INPP5F: variants seen among roughly 807,000 people sequenced by gnomAD.
INPP5F encodes the protein phosphatidylinositide 4-phosphatase SAC2.
Under a neutral mutation model 137.2 loss-of-function variants are expected in INPP5F, and 97 were observed. The observed-to-expected ratio is 0.71, with a 90% confidence interval of 0.60 to 0.84. The LOEUF is 0.84. Ranked by LOEUF, INPP5F falls within the 40% of genes least tolerant of loss-of-function variation. The probability of loss-of-function intolerance (pLI) is 0.00; values close to 1 mark genes in which losing one functional copy is unlikely to be tolerated. For synonymous variants in INPP5F, 504 were observed against 476.9 expected (o/e 1.06, Z -0.74); for missense variants, 1,271 against 1,371.9 (o/e 0.93, Z 1.16).
At chr10:119,751,236 A>G (rs1848682425) in intron 2 of INPP5F, 80 bp downstream of exon 2, 2 of 866,546 alleles carry the variant, frequency 2.3e-6, no homozygotes, top group South Asian at 1.3e-5. Flanking sequence ...GATACATGAG[A>G]TTCTCTTATA....
Position 119,821,698 on chromosome 10 carries a change from C to T in INPP5F, c.1959-733C>T, listed in dbSNP as rs537774919. Among the ~76,000 whole-genome samples, 55 of 150,680 alleles carry T rather than the reference C, an allele frequency of 3.7e-4. No individual in the cohort carries two copies. The South Asian group carries it at 0.011, about 29-fold the overall frequency. ...GTTTGTTTCTCTTTCTGTCTTTCTC[C>T]CTCCTCTCTCTCTCTCCCTCCCTTC... On this transcript the variant is annotated intron_variant, in intron 16 of 19. Transcript: ENST00000650623.
intron 15 of INPP5F, among the ~76,000 whole-genome samples, chr10:119,813,597 C>T (rs1231419027): frequency 6.6e-6 from 1 of 152,038 alleles, no homozygotes; most frequent in Non-Finnish European, 1.5e-5. Flanking sequence ...TGAACACCAG[C>T]CTGGGTGACA....
At chr10:119,726,607 C>G (rs1262930994) in intron 1 of INPP5F, among the ~76,000 whole-genome samples, 1 of 152,210 alleles carries the variant, frequency 6.6e-6, no homozygotes. Flanking sequence ...CTTCCCACCG[C>G]GTCACGCGGC....
chr10:119,808,687 T>G (rs866586870), intron 13 of INPP5F, among the ~76,000 whole-genome samples: 1 of 152,242 alleles, frequency 6.6e-6, no homozygotes. Context: ...TTAAGTTAAA[T>G]ATAAAATATA....
intron 19 of INPP5F, chr10:119,826,086 C>T (rs3847492): frequency 0.19 from 74,080 of 397,402 alleles, 7,540 homozygotes; most frequent in Non-Finnish European, 0.21. Flanking sequence ...TGAATTTGAG[C>T]CACACTGGGA....
chr10:119,807,984 A>G lies in INPP5F; in HGVS notation c.1493A>G (p.Asn498Ser). ...PPEQPLPVKC[N>S]RIYQIMWANN... is the part of the protein sequence containing the mutation. ...GAACAGCCATTACCTGTGAAATGTA[A>G]TCGCATCTACCAGATAATGTGGGCC... Residue 498 changes from asparagine to serine, a missense_variant, in exon 13 of 20, where the codon AAT becomes AGT. Physicochemically the swap from Asn to Ser is conservative, Grantham distance 46 (BLOSUM62 1). Transcript: ENST00000650623. 2.5e-6 allele frequency: 4 copies of G among 1,614,030 alleles called. No homozygotes were observed. The highest frequency in any genetic ancestry group is 3.4e-6 in the Non-Finnish European group (4 of 1,179,994).
chr10:119,747,040 C>T (rs1014879303), intron 1 of INPP5F, among the ~76,000 whole-genome samples: 1 of 152,006 alleles, frequency 6.6e-6, no homozygotes, highest in African/African-American at 2.4e-5. Flanking sequence ...CCTCCTGCCT[C>T]GGCCTTCCGA....
At position 119,826,861 on chromosome 10, in the gene INPP5F, C is replaced by T; in HGVS notation, c.2480C>T (p.Ser827Leu). ...KPNLKVNLWK[S>L]DSSLETMENT... ...AACTTAAAAGTAAATCTTTGGAAATCAGATAGTAGTCTTGAAACTATGGAA... is the reference window on the plus strand; with the variant it reads ...AACTTAAAAGTAAATCTTTGGAAATTAGATAGTAGTCTTGAAACTATGGAA... Residue 827 changes from serine to leucine, a missense_variant, in exon 20 of 20, where the codon TCA becomes TTA. By Grantham distance (145) the Ser-to-Leu change is moderately radical. This residue lies in a region of INPP5F where 490 missense variants were observed against 443.7 expected (regional missense o/e 1.10). Coordinates refer to ENST00000650623, the MANE Select transcript of INPP5F (RefSeq NM_014937.4). 1 of 1,613,852 alleles carries T rather than the reference C, an allele frequency of 6.2e-7. No individual in the cohort carries two copies.
In INPP5F at chr10:119,781,873, G is replaced by A. The variant is rs1849721573; in HGVS notation, c.315+102G>A. 4.3e-6 allele frequency: 4 copies of A among 922,056 alleles called. No individual in the cohort carries two copies. The Admixed American group carries it at 8.4e-5, about 19-fold the overall frequency. 57.1% of individuals were successfully genotyped at this position (922,056 alleles called of 1,614,324 possible). ...CCAGAAACTTACATTTTTAGAGCTG[G>A]GTAATGTTTTTAAAATAATTTAATC... On this transcript the variant is annotated intron_variant, in intron 3 of 19. Coordinates refer to ENST00000650623, the MANE Select transcript of INPP5F (RefSeq NM_014937.4).
intron 1 of INPP5F, among the ~76,000 whole-genome samples, chr10:119,741,934 C>T (rs187198962): frequency 1.3e-5 from 2 of 151,750 alleles, no homozygotes; most frequent in Admixed American, 1.3e-4. Context: ...GATTCTCCCA[C>T]CTGGTGCTCC....
At chr10:119,753,480 T>A (rs1848744959) in intron 2 of INPP5F, among the ~76,000 whole-genome samples, 1 of 152,208 alleles carries the variant, frequency 6.6e-6, no homozygotes, top group African/African-American at 2.4e-5. Context: ...TTGTGTTGGC[T>A]GGGGTCATTC....
rs79903288 is a variant in INPP5F, at chr10:119,806,111, G to A, written c.1320-249G>A. ...ATGTCAGCTCTGCCTAGTAGTTATA[G>A]GACTTGGCAAGTCTCTCTGCACCCC... On this transcript the variant is annotated intron_variant, in intron 11 of 19. Transcript: ENST00000650623. 3.8e-3 allele frequency among the ~76,000 whole-genome samples: 575 copies of A among 151,916 alleles called. 9 individuals carry two copies. The highest frequency in any genetic ancestry group is 7.5e-3 in the East Asian group (39 of 5,184).
intron 6 of INPP5F, among the ~76,000 whole-genome samples, chr10:119,796,394 CAA>C (rs2134221468): frequency 6.6e-6 from 1 of 152,280 alleles, no homozygotes; most frequent in East Asian, 1.9e-4. Context: ...TTAATTTTCA[CAA>C]TTCATGAAGT....
intron 2 of INPP5F, among the ~76,000 whole-genome samples, chr10:119,753,828 A>G (rs546388299): frequency 2.6e-5 from 4 of 152,294 alleles, no homozygotes; most frequent in Non-Finnish European, 4.4e-5. Context: ...ATACAAACCT[A>G]TCAGCTTAGG....
In INPP5F at chr10:119,822,508, A is replaced by C; in HGVS notation, c.2032+4A>C. 1 of 1,393,184 alleles carries C rather than the reference A, an allele frequency of 7.2e-7. No individual in the cohort carries two copies. The highest frequency in any genetic ancestry group is 1.3e-5 in the South Asian group (1 of 78,174). 86.3% of individuals were successfully genotyped at this position (1,393,184 alleles called of 1,614,324 possible). The stretch of plus-strand genomic sequence containing the variant: ...AACCTGGAAAAAATTGAAATAGGTA[A>C]GTTTTAACATACTAATCAAGTCATC... On this transcript the variant is annotated splice_donor_region_variant and intron_variant, in intron 17 of 19. Coordinates refer to ENST00000650623, the MANE Select transcript of INPP5F (RefSeq NM_014937.4).
Position 119,822,508 on chromosome 10 carries a change from A to G in INPP5F, c.2032+4A>G. 1 of 1,393,184 alleles carries G rather than the reference A, an allele frequency of 7.2e-7. No individual in the cohort carries two copies. The highest frequency in any genetic ancestry group is 1.0e-6 in the Non-Finnish European group (1 of 998,632). The allele number at this position is 1,393,184 out of a possible 1,614,324, so 86.3% of individuals were successfully genotyped here. On this transcript the variant is annotated splice_donor_region_variant and intron_variant, in intron 17 of 19. Coordinates refer to ENST00000650623, the MANE Select transcript of INPP5F (RefSeq NM_014937.4). ...AACCTGGAAAAAATTGAAATAGGTAAGTTTTAACATACTAATCAAGTCATC... is the reference window on the plus strand; with the variant it reads ...AACCTGGAAAAAATTGAAATAGGTAGGTTTTAACATACTAATCAAGTCATC...
chr10:119,781,537 T>TTTTTTTTTG, intron 2 of INPP5F, 98 bp from the exon 3 acceptor site: 1 of 702,156 alleles, frequency 1.4e-6, no homozygotes, highest in African/African-American at 1.9e-5. Context: ...GGATGCACAC[T>TTTTTTTTTG]TTTTTTTTTG....
intron 18 of INPP5F, 64 bp downstream of exon 18, chr10:119,823,263 TGGAA>T: frequency 6.6e-7 from 1 of 1,514,290 alleles, no homozygotes; most frequent in Non-Finnish European, 9.0e-7. Context: ...AAAGCCCAAA[TGGAA>T]TTGGGGACAT....
intron 1 of INPP5F, among the ~76,000 whole-genome samples, chr10:119,741,947 A>G (rs1848387708): frequency 6.6e-6 from 1 of 151,350 alleles, no homozygotes. Context: ...GGTGCTCCCA[A>G]GTAGCTGGGA....
Sources: gnomAD v4.1 joint callset for allele counts (sites outside exome capture counted in the v4.1 genomes callset) on GRCh38, gnomAD v4.1.1 for gene constraint, gnomAD v4.1.1 regional missense constraint, MANE v1.5 for transcripts, NCBI Gene and HGNC (gene_info 2026-07-23, HGNC 2026-07-21) for gene names.